RCSD1: variants seen among roughly 807,000 people sequenced by gnomAD.
RCSD1 encodes capZ-interacting protein.
RCSD1 carries 26 observed loss-of-function variants against 42.5 expected under a neutral mutation model. The observed-to-expected ratio is 0.61, with a 90% CI of 0.45 to 0.85. The LOEUF (loss-of-function observed/expected upper bound fraction) is 0.85, where lower values mean the gene tolerates loss of function less well. Among genes scored for constraint, RCSD1 ranks in the 40% least tolerant of loss-of-function variants. RCSD1 has a pLI of 0.00. For missense variants in RCSD1, 571 were observed against 528.3 expected (o/e 1.08, Z -0.79); for synonymous variants, 220 against 212.2 (o/e 1.04, Z -0.32).
chr1:167,678,202 C>T (rs1417561075), intron 1 of RCSD1, among the ~76,000 whole-genome samples: 1 of 152,164 alleles, frequency 6.6e-6, no homozygotes, highest in Non-Finnish European at 1.5e-5. Context: ...TATGCAGTCT[C>T]GTAACATCAA....
At chr1:167,661,198 G>A (rs1036919461) in intron 1 of RCSD1, among the ~76,000 whole-genome samples, 1 of 152,234 alleles carries the variant, frequency 6.6e-6, no homozygotes, top group African/African-American at 2.4e-5. Flanking sequence ...ATAATCCTAT[G>A]TAGTAGATAT....
intron 1 of RCSD1, among the ~76,000 whole-genome samples, chr1:167,658,881 T>C (rs560243713): frequency 5.9e-4 from 90 of 152,252 alleles, no homozygotes; most frequent in Non-Finnish European, 1.1e-3. Flanking sequence ...ACGCTAGCAT[T>C]TATGTCTATG....
intron 1 of RCSD1, among the ~76,000 whole-genome samples, chr1:167,647,440 T>C (rs1382862814): frequency 1.4e-5 from 2 of 140,652 alleles, no homozygotes; most frequent in African/African-American, 5.3e-5. Context: ...AAAAAAAAAA[T>C]AGCAGTGCAT....
intron 3 of RCSD1, among the ~76,000 whole-genome samples, chr1:167,689,494 A>AAAG (rs1659322562): frequency 6.7e-6 from 1 of 149,106 alleles, no homozygotes; most frequent in African/African-American, 2.5e-5. Flanking sequence ...AAAAAAAAAA[A>AAAG]AAAGAAAAGA....
chr1:167,662,836 G>A (rs552300148), intron 1 of RCSD1, among the ~76,000 whole-genome samples: 4 of 152,276 alleles, frequency 2.6e-5, no homozygotes, highest in East Asian at 1.9e-4. Flanking sequence ...TTCCCTGGCC[G>A]AGTTTCTTGC....
In RCSD1 at chr1:167,697,216, G is replaced by A; in HGVS notation, c.592G>A (p.Ala198Thr). 1.2e-6 allele frequency: 2 copies of A among 1,614,208 alleles called. No individual in the cohort carries two copies. Among genetic ancestry groups the A allele is most frequent in the East Asian group, 2.2e-5 (1 of 44,878 alleles). ...RAVESSQQNGAKEEDGDEVLP... is the reference protein window; with the variant it reads ...RAVESSQQNGTKEEDGDEVLP... Reference sequence around the variant, plus strand: ...GGTGGAGTCATCTCAGCAGAACGGTGCTAAGGAAGAGGATGGGGATGAAGT... The same window carrying A: ...GGTGGAGTCATCTCAGCAGAACGGTACTAAGGAAGAGGATGGGGATGAAGT... Residue 198 changes from alanine (A) to threonine (T), a missense_variant, in exon 6 of 7, where the codon GCT becomes ACT. Transcript: ENST00000367854.
At position 167,683,938 on chromosome 1, in the gene RCSD1, G is replaced by A. The variant is rs112577989; in HGVS notation, c.45G>A (p.Ser15=). Residue 15 remains serine (S), a synonymous_variant, in exon 2 of 7, where the codon TCG becomes TCA. Transcript: ENST00000367854. ...AGACCAATGCCAATGTGGACAACTC[G>A]GCGTCCCCCTCGGTGGCCCAGCTGG... is the stretch of plus-strand genomic sequence containing the variant. ...PAETNANVDN[S]ASPSVAQLAG... 1.6e-4 allele frequency: 266 copies of A among 1,614,190 alleles called. 2 individuals are homozygous for A. In the African/African-American group the frequency reaches 2.9e-3, roughly 17 times the overall value.
intron 1 of RCSD1, among the ~76,000 whole-genome samples, chr1:167,631,219 C>G (rs967338516): frequency 1.6e-4 from 25 of 152,170 alleles, no homozygotes; most frequent in African/African-American, 5.5e-4. Flanking sequence ...GGGTGTATTC[C>G]CCACATCCCT....
intron 2 of RCSD1, 60 bp from the exon 3 acceptor site, chr1:167,685,361 C>T (rs74586478): frequency 0.11 from 154,724 of 1,368,342 alleles, 9,770 homozygotes; most frequent in Non-Finnish European, 0.13. Context: ...GCTCTTCCTC[C>T]CTGTTGCCTG....
At chr1:167,663,501 T>A (rs1156533254) in intron 1 of RCSD1, 1 of 152,352 alleles carries the variant, frequency 6.6e-6, no homozygotes, top group Admixed American at 6.5e-5. Context: ...CCTGGAGACA[T>A]CCAAATGACC....
At position 167,637,603 on chromosome 1, in the gene RCSD1, G is replaced by C. The variant is rs1286231972; in HGVS notation, c.6+7174G>C. 2.6e-5 allele frequency among the ~76,000 whole-genome samples: 4 copies of C among 152,294 alleles called. No individual in the cohort carries two copies. In the South Asian group the frequency reaches 6.2e-4, roughly 24 times the overall value. ...TGCCTGCCTGGGGCCTGCCCCAAAGGCTCCTGCTAGAGAAGTTGATTTGAA... is the reference window on the plus strand; with the variant it reads ...TGCCTGCCTGGGGCCTGCCCCAAAGCCTCCTGCTAGAGAAGTTGATTTGAA... On this transcript the variant is annotated intron_variant, in intron 1 of 6. Transcript: ENST00000367854.
At chr1:167,652,488 G>A (rs942622507) in intron 1 of RCSD1, among the ~76,000 whole-genome samples, 3 of 152,164 alleles carry the variant, frequency 2.0e-5, no homozygotes, top group African/African-American at 7.2e-5. Flanking sequence ...ACAAGCAGTT[G>A]TCAGGCTGGA....
chr1:167,670,377 C>G (rs1248705699), intron 1 of RCSD1, among the ~76,000 whole-genome samples: 7 of 149,200 alleles, frequency 4.7e-5, no homozygotes, highest in Non-Finnish European at 1.0e-4. Context: ...AAAAAAACCA[C>G]TCGAGCTGTT....
In RCSD1 at chr1:167,706,821, A is replaced by G. The variant is rs1659765804; in HGVS notation, c.*2125A>G. Among the ~76,000 whole-genome samples, 3 of 152,126 alleles carry G rather than the reference A, an allele frequency of 2.0e-5. No homozygotes were observed. Among genetic ancestry groups the G allele is most frequent in the Non-Finnish European group, 4.4e-5 (3 of 68,022 alleles). On this transcript the variant is annotated 3_prime_UTR_variant, in exon 7 of 7. Coordinates refer to ENST00000367854, the MANE Select transcript of RCSD1 (RefSeq NM_052862.4). ...CACTGCTTAAAACTCTCCTTTCTCA[A>G]AGCAACCATGATCAGGTGTTTTATT...
intron 1 of RCSD1, among the ~76,000 whole-genome samples, chr1:167,654,288 A>T (rs922165534): frequency 2.0e-5 from 3 of 152,162 alleles, no homozygotes; most frequent in Admixed American, 2.0e-4. Context: ...GAACTTATGG[A>T]CAGAAGTATG....
At chr1:167,647,055 G>C (rs1658173762) in intron 1 of RCSD1, among the ~76,000 whole-genome samples, 1 of 150,334 alleles carries the variant, frequency 6.7e-6, no homozygotes, top group South Asian at 2.1e-4. Context: ...GCTTGAACCT[G>C]GGAGGCAGAG....
At chr1:167,703,823 C>G (rs57499654) in intron 6 of RCSD1, among the ~76,000 whole-genome samples, 347 of 152,316 alleles carry the variant, frequency 2.3e-3, no homozygotes, top group African/African-American at 8.2e-3. Context: ...CCTCTTTGCC[C>G]AAATGCCTGC....
At chr1:167,698,271 C>G (rs17480017) in intron 6 of RCSD1, among the ~76,000 whole-genome samples, 30,008 of 152,218 alleles carry the variant, frequency 0.2, 3,400 homozygotes, top group Non-Finnish European at 0.25. Flanking sequence ...AGACCAGCAA[C>G]TCTTTCATGT....
At chr1:167,672,885 C>T (rs1422568317) in intron 1 of RCSD1, among the ~76,000 whole-genome samples, 3 of 151,224 alleles carry the variant, frequency 2.0e-5, no homozygotes, top group Non-Finnish European at 4.4e-5. Flanking sequence ...AGACCATGCT[C>T]ATCCTGTCCT....
Sources: gnomAD v4.1 joint callset for allele counts (sites outside exome capture counted in the v4.1 genomes callset) on GRCh38, gnomAD v4.1.1 for gene constraint, MANE v1.5 for transcripts, NCBI Gene and HGNC (gene_info 2026-07-23, HGNC 2026-07-21) for gene names.